The following TENM3 variants were observed in gnomAD, a reference collection of about 807,000 sequenced individuals.
TENM3 encodes the protein teneurin transmembrane protein 3, also known as teneurin-3.
A neutral mutation model predicts 255.1 loss-of-function variants in TENM3; 63 were observed. The observed-to-expected ratio is 0.25, with a 90% confidence interval of 0.20 to 0.30. The LOEUF (loss-of-function observed/expected upper bound fraction) is 0.30. TENM3 is among the 10% of genes least tolerant of loss of function. The pLI, the probability that TENM3 is intolerant of heterozygous loss-of-function variation, is 1.00. For synonymous variants in TENM3, 1,306 were observed against 1,322.3 expected, an observed-to-expected ratio of 0.99 and a Z score of 0.27; for missense variants, 2,929 against 3,461.1, an observed-to-expected ratio of 0.85 and a Z score of 3.86.
intron 3 of TENM3, among the ~76,000 whole-genome samples, chr4:182,517,468 C>G (rs1738104928): frequency 7.7e-6 from 1 of 130,354 alleles, no homozygotes; most frequent in South Asian, 2.3e-4. Flanking sequence ...GCTGCAAGCT[C>G]CGCCTCCCGG....
chr4:181,579,099 G>T, the TENM3 span, among the ~76,000 whole-genome samples: 1 of 152,152 alleles, frequency 6.6e-6, no homozygotes, highest in Non-Finnish European at 1.5e-5. Context: ...GCTCCCTGCA[G>T]TCATTTGCTC....
chr4:181,857,144 G>A, the TENM3 span, among the ~76,000 whole-genome samples: 1 of 152,004 alleles, frequency 6.6e-6, no homozygotes, highest in Non-Finnish European at 1.5e-5. Flanking sequence ...TTTTCATATT[G>A]GGTGATGTGA....
At chr4:182,708,969 G>T (rs1579189038) in intron 12 of TENM3, among the ~76,000 whole-genome samples, 1 of 151,180 alleles carries the variant, frequency 6.6e-6, no homozygotes, top group Admixed American at 6.6e-5. Flanking sequence ...AAAGCAGTGG[G>T]TTTTTTTTTG....
chr4:181,703,797 G>GT, the TENM3 span, among the ~76,000 whole-genome samples: 68,048 of 151,312 alleles, frequency 0.45, 16,121 homozygotes, highest in East Asian at 0.62. Flanking sequence ...TCTTTGGGGA[G>GT]TTTTTTTTTC....
chr4:182,435,469 T>C (rs1279269116), intron 3 of TENM3, among the ~76,000 whole-genome samples: 2 of 152,302 alleles, frequency 1.3e-5, no homozygotes, highest in East Asian at 1.9e-4. Flanking sequence ...CGGGGGATCC[T>C]AGCCTATAGA....
At chr4:182,592,456 G>T (rs1485823194) in intron 3 of TENM3, among the ~76,000 whole-genome samples, 1 of 152,232 alleles carries the variant, frequency 6.6e-6, no homozygotes, top group Non-Finnish European at 1.5e-5. Flanking sequence ...GGGCATGGTG[G>T]CCCACACCTG....
chr4:182,776,767 G>A (rs1288713653), intron 24 of TENM3, among the ~76,000 whole-genome samples: 2 of 152,182 alleles, frequency 1.3e-5, no homozygotes, highest in African/African-American at 4.8e-5. Flanking sequence ...CCTCACTTGA[G>A]GAAGGAAGAG....
At chr4:182,194,280 C>T (rs1489887536) in intron 1 of TENM3, among the ~76,000 whole-genome samples, 1 of 152,106 alleles carries the variant, frequency 6.6e-6, no homozygotes, top group African/African-American at 2.4e-5. Flanking sequence ...GTTAAGTGAG[C>T]CTTCTGATTG....
intron 7 of TENM3, among the ~76,000 whole-genome samples, chr4:182,678,373 G>A (rs192771207): frequency 2.0e-5 from 3 of 152,244 alleles, no homozygotes; most frequent in Admixed American, 6.5e-5. Context: ...AATCAGGCAC[G>A]TTTACTGTTA....
chr4:181,569,021 A>AT, the TENM3 span, among the ~76,000 whole-genome samples: 1 of 152,106 alleles, frequency 6.6e-6, no homozygotes, highest in Non-Finnish European at 1.5e-5. Context: ...AATGCAGAGT[A>AT]ATAGCAAGGA....
chr4:182,461,474 A>G (rs78793574), intron 3 of TENM3, among the ~76,000 whole-genome samples: 3,383 of 152,342 alleles, frequency 0.022, 71 homozygotes, highest in East Asian at 0.068. Context: ...ATGGAGGACC[A>G]TGAATTTCAG....
intron 22 of TENM3, among the ~76,000 whole-genome samples, chr4:182,762,188 C>G (rs1351189930): frequency 6.6e-6 from 1 of 152,134 alleles, no homozygotes; most frequent in African/African-American, 2.4e-5. Context: ...TTGATAGTTG[C>G]AAGGTTGAAT....
chr4:182,593,063 A>G (rs932964110), intron 3 of TENM3, among the ~76,000 whole-genome samples: 1 of 152,164 alleles, frequency 6.6e-6, no homozygotes, highest in Non-Finnish European at 1.5e-5. Context: ...AAATCTTCAC[A>G]TTCTCTTTTT....
intron 3 of TENM3, among the ~76,000 whole-genome samples, chr4:182,391,765 A>C (rs1238017410): frequency 6.6e-6 from 1 of 152,238 alleles, no homozygotes; most frequent in Non-Finnish European, 1.5e-5. Context: ...ACTGGCCTGC[A>C]TAAAGTTGGT....
At chr4:181,765,610 G>A in the TENM3 span, among the ~76,000 whole-genome samples, 1 of 152,286 alleles carries the variant, frequency 6.6e-6, no homozygotes, top group East Asian at 1.9e-4. Context: ...GGAAAAAACA[G>A]CTACTTTCAA....
At chr4:181,529,057 G>A in the TENM3 span, among the ~76,000 whole-genome samples, 2 of 152,322 alleles carry the variant, frequency 1.3e-5, no homozygotes, top group East Asian at 1.9e-4. Context: ...AAGGCACAGT[G>A]GAGATTATTG....
chr4:182,027,858 T>A, the TENM3 span, among the ~76,000 whole-genome samples: 2 of 152,304 alleles, frequency 1.3e-5, no homozygotes, highest in Middle Eastern at 3.4e-3. Context: ...ATTGTTGAAT[T>A]CAGTTTGCTA....
At chr4:182,253,089 C>T (rs924156730) in intron 1 of TENM3, among the ~76,000 whole-genome samples, 8 of 152,214 alleles carry the variant, frequency 5.3e-5, no homozygotes, top group Non-Finnish European at 1.0e-4. Context: ...CTTTATCTCT[C>T]TTGTGTCACA....
chr4:182,570,345 C>T (rs907182644), intron 3 of TENM3, among the ~76,000 whole-genome samples: 1 of 152,134 alleles, frequency 6.6e-6, no homozygotes, highest in African/African-American at 2.4e-5. Context: ...AGGAAAAAAA[C>T]GAAGTAGATT....
Sources: allele counts gnomAD v4.1 joint callset (sites outside exome capture counted in the v4.1 genomes callset), GRCh38; gene constraint gnomAD v4.1.1; transcripts MANE v1.5; gene names NCBI Gene and HGNC (gene_info 2026-07-23, HGNC 2026-07-21).